TRIM62: variants seen among roughly 807,000 people sequenced by gnomAD.
The protein encoded by TRIM62 is tripartite motif containing 62, also known as E3 ubiquitin-protein ligase TRIM62.
Under a neutral mutation model 44.2 loss-of-function variants are expected in TRIM62, and 39 were observed. The observed-to-expected ratio is 0.88, with a 90% confidence interval of 0.68 to 1.15. The LOEUF is 1.15. Ranked by LOEUF, TRIM62 falls within the 50% of genes most tolerant of loss-of-function variation. The probability of loss-of-function intolerance (pLI) is 0.00; values close to 1 mark genes in which losing one functional copy is unlikely to be tolerated. For synonymous variants in TRIM62, 278 were observed against 292.3 expected (o/e 0.95, Z 0.50); for missense variants, 544 against 665.5 (o/e 0.82, Z 2.01).
At chr1:33,163,074 T>G (rs564716344) in intron 2 of TRIM62, 2 of 152,212 alleles carry the variant, frequency 1.3e-5, no homozygotes, top group East Asian at 3.9e-4. Flanking sequence ...GTCTCACTCT[T>G]GTTGCCCAGG....
rs747743244 is a variant in TRIM62 at position 33,147,742 on chromosome 1, G to A, written c.878-15C>T. 1.1e-5 allele frequency: 18 copies of A among 1,602,542 alleles called. No individual in the cohort carries two copies. The highest frequency in any genetic ancestry group is 1.1e-5 in the South Asian group (1 of 90,216). On this transcript the variant is annotated splice_polypyrimidine_tract_variant and intron_variant, in intron 4 of 4. Coordinates refer to ENST00000291416, the MANE Select transcript of TRIM62 (RefSeq NM_018207.3). The surrounding 1 kb of genome is among the most constrained non-coding windows in gnomAD (Gnocchi z 8.1). ...GGCGGCTGGCACTGTGGGGGTTGGAGGAGGGAGAGAAGATGAGTGGGGAGA... is the reference window on the plus strand; with the variant it reads ...GGCGGCTGGCACTGTGGGGGTTGGAAGAGGGAGAGAAGATGAGTGGGGAGA...
rs191556390 is a variant in TRIM62 at position 33,167,465 on chromosome 1, T to C, written c.409-1899A>G. On this transcript the variant is annotated intron_variant, in intron 1 of 4. Coordinates refer to ENST00000291416, the MANE Select transcript of TRIM62 (RefSeq NM_018207.3). This position sits in a 1 kb window ranked among gnomAD's most constrained non-coding sequence, Gnocchi z 4.2. ...CTGCAGGCATTGGGAATCTAGCCCATTGTATTATCGCCAGTTGTTCTCCTG... is the reference window on the plus strand; with the variant it reads ...CTGCAGGCATTGGGAATCTAGCCCACTGTATTATCGCCAGTTGTTCTCCTG... 3.9e-5 allele frequency among the ~76,000 whole-genome samples: 6 copies of C among 152,282 alleles called. No homozygotes were observed. Among genetic ancestry groups the C allele is most frequent in the Non-Finnish European group, 7.4e-5 (5 of 68,026 alleles).
rs369476406 is a variant in TRIM62 at position 33,147,273 on chromosome 1, C to T, written c.1332G>A (p.Lys444=). 6.2e-6 allele frequency: 10 copies of T among 1,614,176 alleles called. No individual in the cohort carries two copies. The highest frequency in any genetic ancestry group is 8.5e-6 in the Non-Finnish European group (10 of 1,180,044). Residue 444 remains lysine (K), a synonymous_variant, in exon 5 of 5, where the codon AAG becomes AAA. Coordinates refer to ENST00000291416, the MANE Select transcript of TRIM62 (RefSeq NM_018207.3). The surrounding 1 kb of genome is among the most constrained non-coding windows in gnomAD (Gnocchi z 8.1). ...AGTAAGAGCAGAGCTTGCCAGGGAA[C>T]TTCTCGCGGAAGGTGTAGAGCCAGG... ...DMSWLYTFRE[K]FPGKLCSYFS...
chr1:33,156,978 T>C (rs1044195082), intron 4 of TRIM62, among the ~76,000 whole-genome samples: 1 of 128,264 alleles, frequency 7.8e-6, no homozygotes, highest in African/African-American at 3.0e-5. Context: ...ACATCACCTC[T>C]TGCCTGGATT....
Position 33,147,602 on chromosome 1 carries a change from C to A in TRIM62, c.1003G>T (p.Asp335Tyr). Residue 335 changes from aspartate to tyrosine, a missense_variant, in exon 5 of 5, where the codon GAT becomes TAT. Transcript: ENST00000291416. The surrounding 1 kb of genome is among the most constrained non-coding windows in gnomAD (Gnocchi z 8.1). Reference sequence around the variant, plus strand: ...GAACCCAGCACCGACACCTCCACATCGAAGCGCTTTGGCGAGTCCTGCAGT... The same window carrying A: ...GAACCCAGCACCGACACCTCCACATAGAAGCGCTTTGGCGAGTCCTGCAGT... ...QPLQDSPKRFDVEVSVLGSEA... is the reference protein window; with the variant it reads ...QPLQDSPKRFYVEVSVLGSEA... The A allele has an allele frequency of 1.2e-6, 2 of 1,614,130 alleles. No individual in the cohort carries two copies. Among genetic ancestry groups the A allele is most frequent in the Non-Finnish European group, 1.7e-6 (2 of 1,180,042 alleles).
chr1:33,148,298 A>G (rs1344189677), intron 4 of TRIM62, among the ~76,000 whole-genome samples: 1 of 152,240 alleles, frequency 6.6e-6, no homozygotes, highest in Non-Finnish European at 1.5e-5. Context: ...TTATAAGGAT[A>G]AGAAACTATA....
chr1:33,181,066 G>A lies in TRIM62; in HGVS notation c.367C>T (p.His123Tyr). ...FCDEPALHEQ[H>Y]QVTGIDDAFD... The stretch of plus-strand genomic sequence containing the variant: ...GCGTCGTCGATGCCGGTGACCTGAT[G>A]CTGCTCGTGCAGTGCAGGCTCGTCG... Residue 123 changes from histidine to tyrosine, a missense_variant, in exon 1 of 5, where the codon CAT becomes TAT. By Grantham distance (83) the His-to-Tyr change is moderately conservative (BLOSUM62 2). Transcript: ENST00000291416. The surrounding 1 kb of genome is among the most constrained non-coding windows in gnomAD (Gnocchi z 6.5). 1 of 1,599,460 alleles carries A rather than the reference G, an allele frequency of 6.3e-7. No homozygotes were observed. The highest frequency in any genetic ancestry group is 8.5e-7 in the Non-Finnish European group (1 of 1,178,838).
chr1:33,155,212 C>T (rs929139625), intron 4 of TRIM62, among the ~76,000 whole-genome samples: 48 of 151,792 alleles, frequency 3.2e-4, no homozygotes, highest in Admixed American at 2.5e-3. Flanking sequence ...ATTGGGATTA[C>T]AGGCGTGTAC....
intron 2 of TRIM62, among the ~76,000 whole-genome samples, chr1:33,160,647 T>C (rs1003687545): frequency 6.6e-6 from 1 of 152,092 alleles, no homozygotes; most frequent in Non-Finnish European, 1.5e-5. Flanking sequence ...TTAGGTGATC[T>C]GCCCACCTTG....
In TRIM62 at chr1:33,147,441, G is replaced by A; in HGVS notation, c.1164C>T (p.Cys388=). 1.2e-6 allele frequency: 2 copies of A among 1,614,064 alleles called. No individual in the cohort carries two copies. Among genetic ancestry groups the A allele is most frequent in the Non-Finnish European group, 1.7e-6 (2 of 1,180,030 alleles). ...ACTGGTTGCCATCGTGCATCACGAT[G>A]CAGTAGAAGCCGCGGCTGGGCTGGA... ...IQIQPSRGFY[C]IVMHDGNQYS... The change falls in exon 5 of 5, where the codon TGC becomes TGT. Residue 388 remains cysteine (C), a synonymous_variant. Transcript: ENST00000291416. The surrounding 1 kb of genome is among the most constrained non-coding windows in gnomAD (Gnocchi z 8.1).
At chr1:33,150,648 G>A (rs563202667) in intron 4 of TRIM62, among the ~76,000 whole-genome samples, 2 of 152,316 alleles carry the variant, frequency 1.3e-5, no homozygotes, top group African/African-American at 4.8e-5. Flanking sequence ...TTCACCCTGT[G>A]GTCTGACTGG....
chr1:33,165,674 C>G lies in TRIM62; in HGVS notation c.409-108G>C. On this transcript the variant is annotated intron_variant, in intron 1 of 4. Coordinates refer to ENST00000291416, the MANE Select transcript of TRIM62 (RefSeq NM_018207.3). This position sits in a 1 kb window ranked among gnomAD's most constrained non-coding sequence, Gnocchi z 4.0. ...GGTTAGCCTGGTCTCTGTCCCCAAC[C>G]TCCAACACTTGCCTCCCGTCACAGT... is the stretch of plus-strand genomic sequence containing the variant. 1.1e-6 allele frequency: 1 copy of G among 902,502 alleles called. No homozygotes were observed. The highest frequency in any genetic ancestry group is 2.1e-5 in the South Asian group (1 of 47,798). 55.9% of individuals were successfully genotyped at this position (902,502 alleles called of 1,614,324 possible).
intron 2 of TRIM62, among the ~76,000 whole-genome samples, chr1:33,162,055 C>G (rs1645275924): frequency 6.6e-6 from 1 of 152,154 alleles, no homozygotes; most frequent in South Asian, 2.1e-4. Context: ...CCTCTGGGGT[C>G]CCACAGGTCT....
At chr1:33,162,613 C>T (rs1267468759) in intron 2 of TRIM62, among the ~76,000 whole-genome samples, 1 of 152,146 alleles carries the variant, frequency 6.6e-6, no homozygotes, top group Non-Finnish European at 1.5e-5. Flanking sequence ...TGAGATTGCT[C>T]CGTAGAGCTG....
rs1434215036 is a variant in TRIM62, at chr1:33,159,919, G to A, written c.530C>T (p.Thr177Ile). The A allele has an allele frequency of 6.2e-7, 1 of 1,606,692 alleles. No individual in the cohort carries two copies. The highest frequency in any genetic ancestry group is 1.7e-5 in the Admixed American group (1 of 59,990). ...TKSSTKSLRT[T>I]IGEAFERLHR... The stretch of plus-strand genomic sequence containing the variant: ...CAGCCGCTCGAAGGCCTCGCCGATA[G>A]TGGTCCGCAGGCTCTTGGTGGAAGA... The change falls in exon 3 of 5, where the codon ACT (threonine) becomes ATT (isoleucine). Residue 177 changes from threonine to isoleucine, a missense_variant. Thr to Ile is a moderately conservative substitution (Grantham distance 89). Transcript: ENST00000291416. The surrounding 1 kb of genome is among the most constrained non-coding windows in gnomAD (Gnocchi z 4.2).
At position 33,165,177 on chromosome 1, in the gene TRIM62, G is replaced by A. The variant is rs1645315382; in HGVS notation, c.504+294C>T. ...AGGCAGGGGGTTTCCGGAGGGTCCC[G>A]GGACCCGCCTCAACTTCCACCCAAA... On this transcript the variant is annotated intron_variant, in intron 2 of 4. Transcript: ENST00000291416. The surrounding 1 kb of genome is among the most constrained non-coding windows in gnomAD (Gnocchi z 4.0). The A allele has an allele frequency of 1.0e-5, 3 of 293,660 alleles. No individual in the cohort carries two copies. The highest frequency in any genetic ancestry group is 1.9e-5 in the Non-Finnish European group (3 of 154,858). 18.2% of individuals were successfully genotyped at this position (293,660 alleles called of 1,614,324 possible).
At chr1:33,180,146 G>A (rs998926288) in intron 1 of TRIM62, among the ~76,000 whole-genome samples, 5 of 152,078 alleles carry the variant, frequency 3.3e-5, no homozygotes. Context: ...ACTATGCTCA[G>A]GTCACTCTGC....
intron 1 of TRIM62, among the ~76,000 whole-genome samples, chr1:33,175,030 T>TC (rs1368618772): frequency 6.7e-6 from 1 of 149,664 alleles, no homozygotes. Flanking sequence ...TATGTATATG[T>TC]TTATGTATAT....
chr1:33,154,484 T>G (rs78183412), intron 4 of TRIM62, among the ~76,000 whole-genome samples: 3 of 149,554 alleles, frequency 2.0e-5, no homozygotes, highest in Non-Finnish European at 4.5e-5. Flanking sequence ...TCTTTAGATC[T>G]TTTTTTTTTC....
Sources: allele counts gnomAD v4.1 joint callset (sites outside exome capture counted in the v4.1 genomes callset), GRCh38; gene constraint gnomAD v4.1.1; non-coding constraint Gnocchi (gnomAD v3.1); transcripts MANE v1.5; gene names NCBI Gene and HGNC (gene_info 2026-07-23, HGNC 2026-07-21).